Variants in SAMD12 observed in about 807,000 individuals in gnomAD.
SAMD12 encodes sterile alpha motif domain-containing protein 12.
SAMD12 carries 9 observed loss-of-function variants against 15.0 expected under a neutral mutation model. The ratio of observed to expected loss-of-function variants is 0.60; its 90% CI spans 0.36 to 1.05. SAMD12 has a LOEUF of 1.05. Ranked by LOEUF, SAMD12 falls within the 50% of genes least tolerant of loss-of-function variation. The pLI, the probability that SAMD12 is intolerant of heterozygous loss-of-function variation, is 0.01. For synonymous variants in SAMD12, 86 were observed against 90.1 expected (o/e 0.96, Z 0.25); for missense variants, 230 against 234.2 (o/e 0.98, Z 0.12).
chr8:118,606,174 T>C (rs1827982033), intron 1 of SAMD12, among the ~76,000 whole-genome samples: 1 of 152,164 alleles, frequency 6.6e-6, no homozygotes, highest in Non-Finnish European at 1.5e-5. Context: ...GGCCCTAGTC[T>C]GGCTGCCTTC....
intron 1 of SAMD12, among the ~76,000 whole-genome samples, chr8:118,614,653 A>C (rs1483118296): frequency 1.3e-5 from 2 of 152,246 alleles, no homozygotes; most frequent in Non-Finnish European, 2.9e-5. Flanking sequence ...CTTCTGCGGC[A>C]GCAAGGGAGG....
chr8:118,531,334 T>C (rs889061457), intron 2 of SAMD12, among the ~76,000 whole-genome samples: 3 of 152,250 alleles, frequency 2.0e-5, no homozygotes, highest in Non-Finnish European at 4.4e-5. Flanking sequence ...TACTGTAGCC[T>C]TGTAGTATAG....
At chr8:118,157,639 T>G in the SAMD12 span, among the ~76,000 whole-genome samples, 1 of 152,248 alleles carries the variant, frequency 6.6e-6, no homozygotes, top group South Asian at 2.1e-4. Context: ...GATAAAGCCC[T>G]GGCACATGGC....
intron 3 of SAMD12, among the ~76,000 whole-genome samples, chr8:118,422,194 T>C (rs1822028147): frequency 6.6e-6 from 1 of 152,216 alleles, no homozygotes. Context: ...ACTTATTAAA[T>C]GCCTACTTTA....
intron 4 of SAMD12, among the ~76,000 whole-genome samples, chr8:118,244,790 G>A (rs1040381188): frequency 6.6e-6 from 1 of 152,026 alleles, no homozygotes; most frequent in South Asian, 2.1e-4. Flanking sequence ...AAGGAAAGTA[G>A]AGCGAAAACT....
intron 4 of SAMD12, among the ~76,000 whole-genome samples, chr8:118,352,321 T>A (rs2931121): frequency 6.6e-6 from 1 of 152,126 alleles, no homozygotes; most frequent in African/African-American, 2.4e-5. Flanking sequence ...TCCATCATGG[T>A]CAAATGGTTG....
intron 2 of SAMD12, among the ~76,000 whole-genome samples, chr8:118,532,254 T>C (rs4876419): frequency 0.049 from 7,412 of 152,324 alleles, 306 homozygotes; most frequent in South Asian, 0.19. Flanking sequence ...GATTTGTGTA[T>C]GTTGAATCAG....
exon 5 of SAMD12, chr8:118,193,657 G>T (rs1050889233): frequency 2.0e-5 from 3 of 152,116 alleles, no homozygotes; most frequent in Non-Finnish European, 2.9e-5. Context: ...TCAAGCTTAA[G>T]AAGAAATATT....
At chr8:118,482,265 C>T (rs1824147591) in intron 2 of SAMD12, among the ~76,000 whole-genome samples, 1 of 152,178 alleles carries the variant, frequency 6.6e-6, no homozygotes, top group Admixed American at 6.5e-5. Flanking sequence ...CATTATTAGT[C>T]ATTTCAATCT....
intron 1 of SAMD12, among the ~76,000 whole-genome samples, chr8:118,591,775 C>T (rs1827590488): frequency 6.6e-6 from 1 of 152,028 alleles, no homozygotes; most frequent in Non-Finnish European, 1.5e-5. Flanking sequence ...ATATCTCCAC[C>T]TCATAACATA....
chr8:118,540,403 T>C (rs192753863), intron 2 of SAMD12, among the ~76,000 whole-genome samples: 58 of 152,324 alleles, frequency 3.8e-4, no homozygotes, highest in Non-Finnish European at 7.2e-4. Context: ...ATCTGTAATA[T>C]TGTCAGTCTC....
At chr8:118,601,733 TG>T (rs1467407533) in intron 1 of SAMD12, among the ~76,000 whole-genome samples, 3 of 152,198 alleles carry the variant, frequency 2.0e-5, no homozygotes, top group African/African-American at 7.2e-5. Flanking sequence ...CTGTTTAGTT[TG>T]GCAGTTGGCT....
At chr8:118,321,126 T>C (rs1245414961) in intron 4 of SAMD12, among the ~76,000 whole-genome samples, 1 of 128,742 alleles carries the variant, frequency 7.8e-6, no homozygotes, top group Non-Finnish European at 1.6e-5. Context: ...ATATATAACA[T>C]ATATATCATA....
intron 4 of SAMD12, among the ~76,000 whole-genome samples, chr8:118,205,441 G>A (rs1819835242): frequency 6.6e-6 from 1 of 152,342 alleles, no homozygotes; most frequent in East Asian, 1.9e-4. Flanking sequence ...AGCAACCAAA[G>A]TAGGTAGGTA....
chr8:118,483,356 C>A (rs1036422344), intron 2 of SAMD12, among the ~76,000 whole-genome samples: 2 of 152,112 alleles, frequency 1.3e-5, no homozygotes, highest in African/African-American at 2.4e-5. Context: ...GATTTGTACA[C>A]CAAAAAAGAC....
intron 2 of SAMD12, among the ~76,000 whole-genome samples, chr8:118,548,400 C>T (rs945904861): frequency 3.4e-4 from 52 of 150,806 alleles, no homozygotes; most frequent in Admixed American, 3.9e-4. Context: ...CACACACACA[C>T]ACACACACAC....
rs1261381630 is a variant in SAMD12, at chr8:118,378,334, A to G, written c.*1083T>C. ...TTCTTATCATAATCTTCGTATTTCT[A>G]TCTACTTCTTAAAAGAAGCTTAAAA... On this transcript the variant is annotated 3_prime_UTR_variant, in exon 4 of 4. Transcript: ENST00000314727. 3 of 895,360 alleles carry G rather than the reference A, an allele frequency of 3.4e-6. No homozygotes were observed. The highest frequency in any genetic ancestry group is 2.7e-6 in the Non-Finnish European group (2 of 748,066). The allele number at this position is 895,360 out of a possible 1,614,324, so 55.5% of individuals were successfully genotyped here. A position where few individuals can be genotyped will look rare whatever the true frequency, so the allele number is the denominator to read the frequency against.
At chr8:118,344,203 C>G (rs1817513085) in intron 4 of SAMD12, among the ~76,000 whole-genome samples, 1 of 152,152 alleles carries the variant, frequency 6.6e-6, no homozygotes, top group Non-Finnish European at 1.5e-5. Flanking sequence ...TTTAACTCCC[C>G]CTATCCTGCT....
Position 118,378,335 on chromosome 8 carries a change from T to C in SAMD12, c.*1082A>G. On this transcript the variant is annotated 3_prime_UTR_variant, in exon 4 of 4. Transcript: ENST00000314727. ...TCTTATCATAATCTTCGTATTTCTA[T>C]CTACTTCTTAAAAGAAGCTTAAAAG... The C allele has an allele frequency of 1.1e-6, 1 of 899,532 alleles. No individual in the cohort carries two copies. Among genetic ancestry groups the C allele is most frequent in the South Asian group, 5.1e-5 (1 of 19,494 alleles). The allele number at this position is 899,532 out of a possible 1,614,324, so 55.7% of individuals were successfully genotyped here.
Sources: allele counts gnomAD v4.1 joint callset (sites outside exome capture counted in the v4.1 genomes callset), GRCh38; gene constraint gnomAD v4.1.1; transcripts MANE v1.5; gene names NCBI Gene and HGNC (gene_info 2026-07-23, HGNC 2026-07-21).